DCAF8: variants seen among roughly 807,000 people sequenced by gnomAD.
The protein encoded by DCAF8 is DDB1 and CUL4 associated factor 8.
Under a neutral mutation model 68.0 loss-of-function variants are expected in DCAF8, and 20 were observed. The ratio of observed to expected loss-of-function variants is 0.29; its 90% CI spans 0.21 to 0.43. DCAF8 has a LOEUF of 0.43. Among genes scored for constraint, DCAF8 ranks in the 20% least tolerant of loss-of-function variants. The pLI, the probability that DCAF8 is intolerant of heterozygous loss-of-function variation, is 1.00. For synonymous variants in DCAF8, 230 were observed against 276.9 expected (o/e 0.83, Z 1.68); for missense variants, 460 against 771.0 (o/e 0.60, Z 4.78).
At chr1:160,247,896 T>C (rs1305250588) in intron 2 of DCAF8, among the ~76,000 whole-genome samples, 1 of 152,144 alleles carries the variant, frequency 6.6e-6, no homozygotes, top group Non-Finnish European at 1.5e-5. Context: ...ACAACACAAG[T>C]TCCAGAAGAA....
Position 160,217,338 on chromosome 1 carries a change from CT to C in DCAF8, c.*253del. On this transcript the variant is annotated 3_prime_UTR_variant, in exon 14 of 14. Transcript: ENST00000368074. ...GCTTCCCTCTCCTCTCAAAAAGAGGCTTTGGGGAGAGGCCATTTCTGCCGAG... is the reference window on the plus strand; with the variant it reads ...GCTTCCCTCTCCTCTCAAAAAGAGGCTTGGGGAGAGGCCATTTCTGCCGAG... 1 of 378,162 alleles carries C rather than the reference CT, an allele frequency of 2.6e-6. No individual in the cohort carries two copies. The highest frequency in any genetic ancestry group is 4.7e-6 in the Non-Finnish European group (1 of 212,802). The allele number at this position is 378,162 out of a possible 1,614,324, so 23.4% of individuals were successfully genotyped here.
chr1:160,242,149 G>A (rs1656140077), intron 3 of DCAF8, among the ~76,000 whole-genome samples: 1 of 151,858 alleles, frequency 6.6e-6, no homozygotes, highest in Middle Eastern at 3.2e-3. Flanking sequence ...GGAGGCTGAG[G>A]CAGAAGAATC....
At position 160,258,668 on chromosome 1, in the gene DCAF8, C is replaced by T. The variant is rs139981832; in HGVS notation, c.-27+2617G>A. Among the ~76,000 whole-genome samples the T allele has an allele frequency of 1.8e-3, 273 of 152,002 alleles. 4 individuals are homozygous for T. In the East Asian group the frequency reaches 0.027, roughly 15 times the overall value. On this transcript the variant is annotated intron_variant, in intron 2 of 13. Coordinates refer to ENST00000368074, the MANE Select transcript of DCAF8 (RefSeq NM_015726.4). ...GGTATGGTGATATGCCCCTGCGGTCCCAGCTACTCAGCTGAGGTGGGAAGA... is the reference window on the plus strand; with the variant it reads ...GGTATGGTGATATGCCCCTGCGGTCTCAGCTACTCAGCTGAGGTGGGAAGA...
At chr1:160,222,022 A>G (rs1015691240) in intron 11 of DCAF8, among the ~76,000 whole-genome samples, 1 of 152,108 alleles carries the variant, frequency 6.6e-6, no homozygotes, top group African/African-American at 2.4e-5. Flanking sequence ...CAATTGCCAC[A>G]TTTGCGTTCT....
chr1:160,226,953 G>A (rs1655497385), intron 7 of DCAF8, among the ~76,000 whole-genome samples: 1 of 152,176 alleles, frequency 6.6e-6, no homozygotes, highest in Non-Finnish European at 1.5e-5. Flanking sequence ...TTAAAGCATT[G>A]GTAATGGAAT....
At chr1:160,237,349 CCT>C in intron 5 of DCAF8, 120 bp from the exon 6 acceptor site, 1 of 681,622 alleles carries the variant, frequency 1.5e-6, no homozygotes, top group African/African-American at 1.8e-5. Flanking sequence ...GAAATGTCTA[CCT>C]TTTTGTCATA....
rs767323210 is a variant in DCAF8, at chr1:160,243,127, C to T, written c.49+833G>A. ...CTGCCCAACTATATCCATTTAAAGG[C>T]GGCTTCTCTAATTTAAAAGTTGGCT... On this transcript the variant is annotated intron_variant, in intron 3 of 13. Transcript: ENST00000368074. 1.1e-4 allele frequency among the ~76,000 whole-genome samples: 17 copies of T among 152,230 alleles called. 1 individual carries two copies. Among genetic ancestry groups the T allele is most frequent in the Admixed American group, 9.8e-4 (15 of 15,284 alleles).
chr1:160,253,876 C>CA (rs558147401), intron 2 of DCAF8, among the ~76,000 whole-genome samples: 3 of 151,478 alleles, frequency 2.0e-5, no homozygotes, highest in Non-Finnish European at 1.5e-5. Context: ...TCCATGCTTC[C>CA]AAAAAAATAC....
At chr1:160,245,777 A>G (rs1249319763) in intron 2 of DCAF8, among the ~76,000 whole-genome samples, 1 of 152,206 alleles carries the variant, frequency 6.6e-6, no homozygotes, top group Non-Finnish European at 1.5e-5. Context: ...CCCTCTCAAC[A>G]GTCCTTGTTT....
chr1:160,235,118 A>G (rs1655824222), intron 6 of DCAF8, among the ~76,000 whole-genome samples: 1 of 152,032 alleles, frequency 6.6e-6, no homozygotes, highest in African/African-American at 2.4e-5. Flanking sequence ...GTACTGACCT[A>G]TAAGATCTGT....
intron 11 of DCAF8, chr1:160,219,227 G>C (rs957210006): frequency 5.4e-6 from 2 of 372,880 alleles, no homozygotes; most frequent in South Asian, 1.2e-4. Flanking sequence ...TATGGCCCTA[G>C]GGGTGGGTGA....
intron 2 of DCAF8, among the ~76,000 whole-genome samples, chr1:160,258,607 C>CAAACAAACAAAAAAA (rs1307740649): frequency 1.3e-5 from 2 of 150,762 alleles, no homozygotes; most frequent in East Asian, 3.9e-4. Context: ...TTTAAAAAAA[C>CAAACAAACAAAAAAA]AAACAAACAA....
At chr1:160,249,532 C>T (rs1486355818) in intron 2 of DCAF8, among the ~76,000 whole-genome samples, 1 of 152,150 alleles carries the variant, frequency 6.6e-6, no homozygotes, top group Non-Finnish European at 1.5e-5. Context: ...GAGGCTCAGA[C>T]CTGTTATCCC....
At chr1:160,227,098 CA>C (rs991488538) in intron 7 of DCAF8, among the ~76,000 whole-genome samples, 5 of 152,164 alleles carry the variant, frequency 3.3e-5, no homozygotes, top group African/African-American at 1.2e-4. Flanking sequence ...TGGAGGTTCA[CA>C]TAATATTTGT....
At chr1:160,262,160 G>A (rs1657122451) in intron 1 of DCAF8, 2 of 395,312 alleles carry the variant, frequency 5.1e-6, no homozygotes, top group Non-Finnish European at 8.9e-6. Context: ...ACTTCGGGTC[G>A]GCGGAAGGAA....
intron 2 of DCAF8, among the ~76,000 whole-genome samples, chr1:160,260,085 CAAAA>C (rs59002926): frequency 0.079 from 10,551 of 133,066 alleles, 1,256 homozygotes; most frequent in African/African-American, 0.26. Flanking sequence ...CAATGATGTG[CAAAA>C]AAAAAAAACC....
chr1:160,232,502 G>A (rs1355742224), intron 6 of DCAF8, among the ~76,000 whole-genome samples: 2 of 152,196 alleles, frequency 1.3e-5, no homozygotes, highest in South Asian at 2.1e-4. Context: ...TTAGCCGGGC[G>A]TGCTGGTATG....
chr1:160,237,151 G>T lies in DCAF8; in HGVS notation c.943C>A (p.Gln315Lys), dbSNP rs1424639357. 3.8e-6 allele frequency: 6 copies of T among 1,570,176 alleles called. No individual in the cohort carries two copies. The highest frequency in any genetic ancestry group is 5.2e-6 in the Non-Finnish European group (6 of 1,155,200). ...DAVVFTIDLR[Q>K]DRPASKLVVT... ...TACACTTACGACGCTGGGCGGTCTT[G>T]TCTCAGGTCAATGGTGAAAACAACT... is the stretch of plus-strand genomic sequence containing the variant. Residue 315 changes from glutamine to lysine, a missense_variant, in exon 6 of 14, where the codon CAA (glutamine) becomes AAA (lysine). This residue lies in a region of DCAF8 where 170 missense variants were observed against 318.2 expected (regional missense o/e 0.53). Transcript: ENST00000368074.
chr1:160,221,126 G>A (rs1349738857), intron 11 of DCAF8: 1 of 152,240 alleles, frequency 6.6e-6, no homozygotes, highest in East Asian at 1.9e-4. Context: ...GGCATTGGCT[G>A]AGCTAAAAGC....
Sources: allele counts gnomAD v4.1 joint callset (sites outside exome capture counted in the v4.1 genomes callset), GRCh38; gene constraint gnomAD v4.1.1; regional missense constraint gnomAD v4.1.1; transcripts MANE v1.5; gene names NCBI Gene and HGNC (gene_info 2026-07-23, HGNC 2026-07-21).